The following HS3ST4 variants were observed in gnomAD, a reference collection of about 807,000 sequenced individuals.
The protein encoded by HS3ST4 is heparan sulfate-glucosamine 3-sulfotransferase 4, also known as heparan sulfate glucosamine 3-O-sulfotransferase 4.
In HS3ST4, 17 loss-of-function variants were observed where a neutral mutation model predicts 29.2. That is an observed-to-expected ratio of 0.58 (90% CI 0.40 to 0.87). The LOEUF (loss-of-function observed/expected upper bound fraction) is 0.87, where lower values mean the gene tolerates loss of function less well. Among genes scored for constraint, HS3ST4 ranks in the 40% least tolerant of loss-of-function variants. HS3ST4 has a pLI of 0.00. For missense variants in HS3ST4, 627 were observed against 634.5 expected, an observed-to-expected ratio of 0.99 and a Z score of 0.13; for synonymous variants, 314 against 285.7, an observed-to-expected ratio of 1.10 and a Z score of -1.00.
rs985044415 is a variant in HS3ST4, at chr16:25,901,568, A to G, written c.734+208417A>G. The stretch of plus-strand genomic sequence containing the variant: ...TGCACATCTGTAATCCCAGCTACTC[A>G]GGAGGCTGAGGAGGAGAATCGGTTG... On this transcript the variant is annotated intron_variant, in intron 1 of 1. Coordinates refer to ENST00000331351, the MANE Select transcript of HS3ST4 (RefSeq NM_006040.3). Among the ~76,000 whole-genome samples, 6 of 152,284 alleles carry G rather than the reference A, an allele frequency of 3.9e-5. No individual in the cohort carries two copies. In the South Asian group the frequency reaches 1.0e-3, roughly 26 times the overall value.
chr16:26,090,305 T>G (rs891905395), intron 1 of HS3ST4, among the ~76,000 whole-genome samples: 5 of 151,846 alleles, frequency 3.3e-5, no homozygotes, highest in Non-Finnish European at 7.4e-5. Context: ...GTGAAATCTC[T>G]CTGCATTGGG....
At chr16:25,751,232 A>G (rs1334559751) in intron 1 of HS3ST4, among the ~76,000 whole-genome samples, 1 of 152,018 alleles carries the variant, frequency 6.6e-6, no homozygotes, top group Non-Finnish European at 1.5e-5. Flanking sequence ...GAATAGAAAT[A>G]TTTCCTCTGA....
chr16:25,828,301 C>CTTTCT (rs1555467593), intron 1 of HS3ST4, among the ~76,000 whole-genome samples: 6 of 32,896 alleles, frequency 1.8e-4, no homozygotes, highest in East Asian at 9.9e-4. Flanking sequence ...TCTTTCTTTC[C>CTTTCT]CTCTCTCTCT....
chr16:25,868,076 T>C (rs749786992), intron 1 of HS3ST4, among the ~76,000 whole-genome samples: 2 of 152,144 alleles, frequency 1.3e-5, no homozygotes, highest in Admixed American at 6.5e-5. Flanking sequence ...CCTAGGATAA[T>C]GCACGTCAGA....
chr16:26,061,276 A>T (rs1309562537), intron 1 of HS3ST4, among the ~76,000 whole-genome samples: 2 of 152,242 alleles, frequency 1.3e-5, no homozygotes, highest in African/African-American at 4.8e-5. Context: ...TTAGTTGAGC[A>T]TGACTGTGGA....
chr16:26,003,896 A>G (rs1367162516), intron 1 of HS3ST4, among the ~76,000 whole-genome samples: 2 of 151,972 alleles, frequency 1.3e-5, no homozygotes, highest in African/African-American at 4.8e-5. Flanking sequence ...TGGTGCCTCC[A>G]AGTCCTGGGT....
At chr16:26,118,625 C>G (rs1481980432) in intron 1 of HS3ST4, among the ~76,000 whole-genome samples, 1 of 152,094 alleles carries the variant, frequency 6.6e-6, no homozygotes, top group Non-Finnish European at 1.5e-5. Flanking sequence ...CTACTTGTGG[C>G]TAGTTCCTTC....
At chr16:25,988,866 TA>T (rs966533205) in intron 1 of HS3ST4, among the ~76,000 whole-genome samples, 12 of 137,298 alleles carry the variant, frequency 8.7e-5, no homozygotes, top group Middle Eastern at 3.6e-3. Context: ...TTAATAAAAG[TA>T]AAAAAAAAAC....
At chr16:25,759,458 C>T (rs935814238) in intron 1 of HS3ST4, among the ~76,000 whole-genome samples, 3 of 152,152 alleles carry the variant, frequency 2.0e-5, no homozygotes, top group Non-Finnish European at 4.4e-5. Flanking sequence ...AATGAAATGA[C>T]CACACATACC....
chr16:26,079,977 G>T (rs1485846813), intron 1 of HS3ST4, among the ~76,000 whole-genome samples: 1 of 152,166 alleles, frequency 6.6e-6, no homozygotes, highest in Non-Finnish European at 1.5e-5. Flanking sequence ...CAAAAAAAGA[G>T]GTCCCATTGA....
Position 25,692,484 on chromosome 16 carries a change from C to T in HS3ST4, c.67C>T (p.Pro23Ser). 1 of 1,377,624 alleles carries T rather than the reference C, an allele frequency of 7.3e-7. No individual in the cohort carries two copies. Among genetic ancestry groups the T allele is most frequent in the Non-Finnish European group, 9.5e-7 (1 of 1,052,104 alleles). 85.3% of individuals were successfully genotyped at this position (1,377,624 alleles called of 1,614,324 possible). A position where few individuals can be genotyped will look rare whatever the true frequency, so the allele number is the denominator to read the frequency against. The change falls in exon 1 of 2, where the codon CCC becomes TCC. Residue 23 changes from proline to serine, a missense_variant. Physicochemically the swap from Pro to Ser is moderately conservative, Grantham distance 74. Around this residue, in one of 2 missense-constraint regions of HS3ST4, gnomAD observed 402 missense variants for 340.8 expected, o/e 1.18. Transcript: ENST00000331351. ...TCCACCTCTGGCCGCGCCGCCGCCG[C>T]CCGGCGCCTCTGCTAAGGGGCCGCC... is the stretch of plus-strand genomic sequence containing the variant. The part of the protein sequence containing the change: ...PPPPLAAPPP[P>S]GASAKGPPAR...
chr16:25,853,016 C>CCTACAAATGCATTTAT (rs139539753), intron 1 of HS3ST4, among the ~76,000 whole-genome samples: 45,033 of 151,672 alleles, frequency 0.3, 7,124 homozygotes, highest in Admixed American at 0.35. Flanking sequence ...TCCCTCCTGT[C>CCTACAAATGCATTTAT]CTGCTCTTGC....
At chr16:26,085,668 C>T (rs1185674314) in intron 1 of HS3ST4, among the ~76,000 whole-genome samples, 3 of 152,192 alleles carry the variant, frequency 2.0e-5, no homozygotes, top group Admixed American at 2.0e-4. Flanking sequence ...ATCATGACTT[C>T]AAGACCAGCC....
intron 1 of HS3ST4, among the ~76,000 whole-genome samples, chr16:25,979,187 C>T (rs769965582): frequency 6.6e-5 from 10 of 152,124 alleles, no homozygotes; most frequent in Non-Finnish European, 1.5e-4. Flanking sequence ...TGAGCCACTG[C>T]GTCTGGCCGA....
chr16:25,931,125 C>A (rs1472016637), intron 1 of HS3ST4, among the ~76,000 whole-genome samples: 1 of 149,060 alleles, frequency 6.7e-6, no homozygotes, highest in African/African-American at 2.5e-5. Flanking sequence ...AAACCTCCAC[C>A]CCGGGAAATG....
chr16:26,056,485 A>G (rs1169597369), intron 1 of HS3ST4, among the ~76,000 whole-genome samples: 1 of 152,188 alleles, frequency 6.6e-6, no homozygotes, highest in Non-Finnish European at 1.5e-5. Flanking sequence ...CCACCAACCC[A>G]CAGTCAGGAG....
At chr16:25,800,064 G>GCCTTCCTGCCTT (rs1966917699) in intron 1 of HS3ST4, among the ~76,000 whole-genome samples, 1 of 147,634 alleles carries the variant, frequency 6.8e-6, no homozygotes, top group African/African-American at 2.5e-5. Flanking sequence ...TTGCCTTCCT[G>GCCTTCCTGCCTT]CCTTCCTTCC....
At chr16:25,895,639 G>C (rs1320223404) in intron 1 of HS3ST4, among the ~76,000 whole-genome samples, 1 of 152,102 alleles carries the variant, frequency 6.6e-6, no homozygotes, top group Non-Finnish European at 1.5e-5. Flanking sequence ...GGAAGTCCTA[G>C]GTCAAGACCC....
chr16:25,817,175 C>T (rs775901600), intron 1 of HS3ST4, among the ~76,000 whole-genome samples: 1 of 152,176 alleles, frequency 6.6e-6, no homozygotes, highest in African/African-American at 2.4e-5. Context: ...TGTCCTCAAC[C>T]TTAGAGTTAA....
Sources: gnomAD v4.1 joint callset for allele counts (sites outside exome capture counted in the v4.1 genomes callset) on GRCh38, gnomAD v4.1.1 for gene constraint, gnomAD v4.1.1 regional missense constraint, MANE v1.5 for transcripts, NCBI Gene and HGNC (gene_info 2026-07-23, HGNC 2026-07-21) for gene names.